The following COG2 variants were observed in gnomAD, a reference collection of about 807,000 sequenced individuals.
COG2 encodes the protein component of oligomeric golgi complex 2, also known as conserved oligomeric Golgi complex subunit 2.
In COG2, 52 loss-of-function variants were observed where a neutral mutation model predicts 90.6. The ratio of observed to expected loss-of-function variants is 0.57; its 90% CI spans 0.46 to 0.72. The LOEUF is 0.72. COG2 is among the 30% of genes least tolerant of loss of function. The probability of loss-of-function intolerance (pLI) is 0.00; values close to 1 mark genes in which losing one functional copy is unlikely to be tolerated. For synonymous variants in COG2, 337 were observed against 320.4 expected, an observed-to-expected ratio of 1.05 and a Z score of -0.55; for missense variants, 829 against 891.2, an observed-to-expected ratio of 0.93 and a Z score of 0.89.
At chr1:230,671,824 A>T (rs767043003) in intron 8 of COG2, among the ~76,000 whole-genome samples, 184 bp downstream of exon 8, 3 of 152,124 alleles carry the variant, frequency 2.0e-5, no homozygotes, top group African/African-American at 4.8e-5. Flanking sequence ...CCTCATTTCA[A>T]AGTTGTGGAA....
At chr1:230,687,888 T>G in intron 13 of COG2, 183 bp from the exon 14 acceptor site, 1 of 547,666 alleles carries the variant, frequency 1.8e-6, no homozygotes. Flanking sequence ...TCTCATGTTG[T>G]TGAAATCTTT....
chr1:230,655,174 C>G (rs1215065363), intron 1 of COG2, among the ~76,000 whole-genome samples: 1 of 152,140 alleles, frequency 6.6e-6, no homozygotes, highest in Non-Finnish European at 1.5e-5. Flanking sequence ...CTGTCTTATG[C>G]CAGTTTTCAA....
chr1:230,650,428 T>G (rs890267182), intron 1 of COG2, among the ~76,000 whole-genome samples: 4 of 152,198 alleles, frequency 2.6e-5, no homozygotes, highest in Non-Finnish European at 5.9e-5. Context: ...TCATTGTAAT[T>G]TTAATTTGCA....
Position 230,675,096 on chromosome 1 carries a change from A to G in COG2, c.998A>G (p.Asn333Ser), listed in dbSNP as rs1487962583. 5.6e-6 allele frequency: 9 copies of G among 1,612,134 alleles called. No homozygotes were observed. The highest frequency in any genetic ancestry group is 1.3e-5 in the African/African-American group (1 of 74,850). Residue 333 changes from asparagine (N) to serine (S), a missense_variant, in exon 9 of 18, where the codon AAT (asparagine) becomes AGT (serine). Asn to Ser is a conservative substitution (Grantham distance 46). Transcript: ENST00000366669. ...GAAGAAAAGTTACCCTCGCTTTTTA[A>G]TCCTGGGAATCCCGATGCATTTCAT... Reference protein sequence around the residue: ...GLEEKLPSLFNPGNPDAFHEK... With the variant: ...GLEEKLPSLFSPGNPDAFHEK...
chr1:230,663,141 A>C lies in COG2; in HGVS notation c.301A>C (p.Ser101Arg), dbSNP rs776885236. ...PLGQLREEVLSLRSSVSEGIR... is the reference protein window; with the variant it reads ...PLGQLREEVLRLRSSVSEGIR... ...TACTTTTTTTTTTTGTCTTTTAAAG[A>C]GCCTTAGATCGTCTGTCAGTGAAGG... Residue 101 changes from serine (S) to arginine (R), a missense_variant and splice_region_variant, in exon 4 of 18, where the codon AGC (serine) becomes CGC (arginine). Physicochemically the swap from Ser to Arg is moderately radical, Grantham distance 110 (BLOSUM62 -1). Transcript: ENST00000366669. The C allele has an allele frequency of 3.1e-6, 5 of 1,591,400 alleles. No homozygotes were observed.
intron 1 of COG2, among the ~76,000 whole-genome samples, chr1:230,650,365 G>A (rs1311598282): frequency 6.6e-6 from 1 of 152,010 alleles, no homozygotes; most frequent in Non-Finnish European, 1.5e-5. Context: ...CACATCCAGT[G>A]TTGTTTTTTG....
chr1:230,653,235 T>TTG (rs1558268123), intron 1 of COG2, among the ~76,000 whole-genome samples: 1 of 148,182 alleles, frequency 6.7e-6, no homozygotes, highest in Non-Finnish European at 1.5e-5. Flanking sequence ...TTTTTTTTTT[T>TTG]GGGGAGACAG....
chr1:230,667,067 TC>T (rs1280999295), intron 5 of COG2, among the ~76,000 whole-genome samples: 2 of 152,194 alleles, frequency 1.3e-5, no homozygotes, highest in African/African-American at 4.8e-5. Flanking sequence ...TCATCGGGCC[TC>T]CGGGTCATCC....
Position 230,688,126 on chromosome 1 carries a change from A to G in COG2, c.1634A>G (p.Asn545Ser), listed in dbSNP as rs540433776. Residue 545 changes from asparagine to serine, a missense_variant, in exon 14 of 18, where the codon AAT becomes AGT. Coordinates refer to ENST00000366669, the MANE Select transcript of COG2 (RefSeq NM_007357.3). Reference sequence around the variant, plus strand: ...AAACTTGAAATGATTGGCTTTAAGAATTTTTCTTCTATCTCAGGTAAAAAT... The same window carrying G: ...AAACTTGAAATGATTGGCTTTAAGAGTTTTTCTTCTATCTCAGGTAAAAAT... Reference protein sequence around the residue: ...KPKLEMIGFKNFSSISAALED... With the variant: ...KPKLEMIGFKSFSSISAALED... 7 of 1,595,098 alleles carry G rather than the reference A, an allele frequency of 4.4e-6. No homozygotes were observed. In the African/African-American group the frequency reaches 9.4e-5, roughly 22 times the overall value.
intron 1 of COG2, among the ~76,000 whole-genome samples, chr1:230,647,818 T>C (rs1443591102): frequency 6.6e-6 from 1 of 151,562 alleles, no homozygotes; most frequent in East Asian, 1.9e-4. Flanking sequence ...TGTATTTTTA[T>C]TTGCATTACT....
At chr1:230,653,221 GTT>G (rs112155610) in intron 1 of COG2, among the ~76,000 whole-genome samples, 3 of 137,902 alleles carry the variant, frequency 2.2e-5, no homozygotes, top group Non-Finnish European at 3.2e-5. Flanking sequence ...TTCATTTTTT[GTT>G]TTTTTTTTTT....
intron 9 of COG2, chr1:230,678,371 A>G (rs1662650204): frequency 1.0e-6 from 1 of 985,322 alleles, no homozygotes; most frequent in Non-Finnish European, 1.2e-6. Context: ...ATTAAATAAG[A>G]CAATTCTAAT....
At chr1:230,669,207 G>C in intron 6 of COG2, 149 bp from the exon 7 acceptor site, 1 of 633,538 alleles carries the variant, frequency 1.6e-6, no homozygotes, top group Non-Finnish European at 2.6e-6. Flanking sequence ...GGAGTGAGGG[G>C]TTCATTGTTA....
At position 230,659,558 on chromosome 1, in the gene COG2, T is replaced by G; in HGVS notation, c.167T>G (p.Leu56Arg). 6.2e-7 allele frequency: 1 copy of G among 1,614,118 alleles called. No homozygotes were observed. Among genetic ancestry groups the G allele is most frequent in the Non-Finnish European group, 8.5e-7 (1 of 1,179,976 alleles). ...GACCTGGAGCTCTACTATAAACTTC[T>G]TAAAACAGCCATGGTCGAACTCATC... ...RDDLELYYKL[L>R]KTAMVELINK... Residue 56 changes from leucine (L) to arginine (R), a missense_variant, in exon 2 of 18, where the codon CTT becomes CGT. Physicochemically the swap from Leu to Arg is moderately radical, Grantham distance 102. Coordinates refer to ENST00000366669, the MANE Select transcript of COG2 (RefSeq NM_007357.3).
intron 8 of COG2, among the ~76,000 whole-genome samples, chr1:230,673,169 C>T (rs543187278): frequency 6.6e-6 from 1 of 152,322 alleles, no homozygotes; most frequent in African/African-American, 2.4e-5. Flanking sequence ...CAGGGCCAGT[C>T]TGGGTCCAGA....
At chr1:230,667,771 A>G (rs1009676163) in intron 5 of COG2, among the ~76,000 whole-genome samples, 1 of 152,156 alleles carries the variant, frequency 6.6e-6, no homozygotes, top group South Asian at 2.1e-4. Flanking sequence ...GCAGCATTTT[A>G]TATGTCCTCA....
intron 8 of COG2, among the ~76,000 whole-genome samples, 181 bp from the exon 9 acceptor site, chr1:230,674,817 G>A (rs901030159): frequency 5.3e-5 from 8 of 152,180 alleles, no homozygotes; most frequent in African/African-American, 1.7e-4. Flanking sequence ...AGGTGAGACT[G>A]AAATTAAGGA....
intron 9 of COG2, 112 bp downstream of exon 9, chr1:230,675,236 T>C (rs1309489409): frequency 7.7e-7 from 1 of 1,291,838 alleles, no homozygotes; most frequent in Non-Finnish European, 1.0e-6. Flanking sequence ...AATAAAAATT[T>C]GAGTTGCTAA....
chr1:230,665,707 T>C (rs1019377412), intron 5 of COG2, among the ~76,000 whole-genome samples: 3 of 152,240 alleles, frequency 2.0e-5, no homozygotes, highest in Non-Finnish European at 2.9e-5. Flanking sequence ...CCTGTAGTAC[T>C]TCTGCTTCTG....
Sources: gnomAD v4.1 joint callset for allele counts (sites outside exome capture counted in the v4.1 genomes callset) on GRCh38, gnomAD v4.1.1 for gene constraint, MANE v1.5 for transcripts, NCBI Gene and HGNC (gene_info 2026-07-23, HGNC 2026-07-21) for gene names.